The following CSMD1 variants were observed in gnomAD, a reference collection of about 807,000 sequenced individuals.
CSMD1 encodes CUB and Sushi multiple domains 1.
CSMD1 carries 213 observed loss-of-function variants against 417.5 expected under a neutral mutation model. The ratio of observed to expected loss-of-function variants is 0.51; its 90% CI spans 0.46 to 0.57. The LOEUF (loss-of-function observed/expected upper bound fraction) is 0.57. Among genes scored for constraint, CSMD1 ranks in the 20% least tolerant of loss-of-function variants. The pLI, the probability that CSMD1 is intolerant of heterozygous loss-of-function variation, is 0.00. For synonymous variants in CSMD1, 2,862 were observed against 1,736.8 expected (o/e 1.65, Z -16.11); for missense variants, 6,923 against 4,529.7 (o/e 1.53, Z -15.17).
intron 42 of CSMD1, 52 bp from the exon 43 acceptor site, chr8:3,110,387 T>G: frequency 1.4e-6 from 2 of 1,443,776 alleles, no homozygotes; most frequent in African/African-American, 1.4e-5. Flanking sequence ...TTTTAGAGAG[T>G]AGAAAGCTAA....
Position 2,951,212 on chromosome 8 carries a change from C to CT in CSMD1, c.10102dup (p.Arg3368LysfsTer9). 6.2e-7 allele frequency: 1 copy of CT among 1,610,096 alleles called. No individual in the cohort carries two copies. Among genetic ancestry groups the CT allele is most frequent in the Middle Eastern group, 1.7e-4 (1 of 5,718 alleles). ...GTCAACAGTTAGAGTGGCGGGTTGT[C>CT]TTTTCCCTAAATATTCATAATACCC... is the stretch of plus-strand genomic sequence containing the variant. On this transcript the variant is annotated frameshift_variant, in exon 66 of 70. Transcript: ENST00000635120. LOFTEE classifies it high-confidence loss of function.
intron 3 of CSMD1, among the ~76,000 whole-genome samples, chr8:4,154,278 T>C (rs542334040): frequency 6.6e-6 from 1 of 152,152 alleles, no homozygotes; most frequent in South Asian, 2.1e-4. Flanking sequence ...AAAAAATAAA[T>C]AAATAAATAA....
Position 3,340,752 on chromosome 8 carries a change from G to C in CSMD1, c.3631+2542C>G, listed in dbSNP as rs1307771381. On this transcript the variant is annotated intron_variant, in intron 23 of 69. Transcript: ENST00000635120. ...GAGGTTAATACTATTTTGATTATAT[G>C]GCCATCAGCACCACCAATTTTCTAT... 2.0e-5 allele frequency among the ~76,000 whole-genome samples: 3 copies of C among 152,146 alleles called. No homozygotes were observed. In the East Asian group the frequency reaches 5.8e-4, roughly 29 times the overall value.
chr8:4,393,945 T>A (rs1292051899), intron 3 of CSMD1, among the ~76,000 whole-genome samples: 3 of 152,196 alleles, frequency 2.0e-5, no homozygotes, highest in Non-Finnish European at 4.4e-5. Context: ...TTGCCTGTGT[T>A]TCAGGTATTA....
intron 3 of CSMD1, among the ~76,000 whole-genome samples, chr8:4,069,191 T>C (rs1799415687): frequency 6.6e-6 from 1 of 152,160 alleles, no homozygotes; most frequent in African/African-American, 2.4e-5. Flanking sequence ...TAAAACCACA[T>C]ACTCTGATTG....
At chr8:4,246,223 T>C (rs1345304327) in intron 3 of CSMD1, among the ~76,000 whole-genome samples, 2 of 152,204 alleles carry the variant, frequency 1.3e-5, no homozygotes, top group Admixed American at 6.5e-5. Flanking sequence ...CCCCAGTGTG[T>C]TCATGAGCTC....
intron 1 of CSMD1, among the ~76,000 whole-genome samples, chr8:4,727,626 C>G (rs985875815): frequency 6.6e-6 from 1 of 152,036 alleles, no homozygotes; most frequent in East Asian, 1.9e-4. Context: ...TTTATATTTC[C>G]GTGATCTGGT....
chr8:4,882,585 C>G (rs867967071), intron 1 of CSMD1, among the ~76,000 whole-genome samples: 1 of 151,792 alleles, frequency 6.6e-6, no homozygotes. Flanking sequence ...AACATTCAAC[C>G]CCAAGCATAG....
In CSMD1 at chr8:3,211,283, G is replaced by A. The variant is rs925679103; in HGVS notation, c.4867+3214C>T. ...TAGTCTTGAATTCTGGTCCTCAAGC[G>A]ATCCTCCTGCCTTAGTCTCTCAAAG... On this transcript the variant is annotated intron_variant, in intron 30 of 69. Coordinates refer to ENST00000635120, the MANE Select transcript of CSMD1 (RefSeq NM_033225.6). Among the ~76,000 whole-genome samples the A allele has an allele frequency of 3.9e-5, 6 of 152,218 alleles. No individual in the cohort carries two copies. The East Asian group carries it at 1.2e-3, about 29-fold the overall frequency.
intron 1 of CSMD1, among the ~76,000 whole-genome samples, chr8:4,920,978 GAAAC>G (rs746127208): frequency 0.57 from 13,329 of 23,362 alleles, 2,606 homozygotes; most frequent in Admixed American, 0.59. Context: ...AAGAAAGAAA[GAAAC>G]AAAGAAAGAA....
chr8:4,532,855 A>T (rs1585213364), intron 2 of CSMD1, among the ~76,000 whole-genome samples: 1 of 140,948 alleles, frequency 7.1e-6, no homozygotes, highest in Non-Finnish European at 1.5e-5. Flanking sequence ...GAAATGTTGC[A>T]CCCCCATTCA....
intron 1 of CSMD1, among the ~76,000 whole-genome samples, chr8:4,841,899 A>C (rs1377078957): frequency 7.4e-6 from 1 of 135,272 alleles, no homozygotes; most frequent in Non-Finnish European, 1.6e-5. Context: ...CAACAAGAGC[A>C]AAACTCCGTC....
chr8:4,036,402 T>C (rs1428892036), intron 3 of CSMD1, among the ~76,000 whole-genome samples: 1 of 152,206 alleles, frequency 6.6e-6, no homozygotes, highest in African/African-American at 2.4e-5. Context: ...TGTAGAAATG[T>C]ATTGACTTAC....
intron 23 of CSMD1, among the ~76,000 whole-genome samples, chr8:3,309,673 T>G (rs1168628109): frequency 1.3e-5 from 2 of 152,206 alleles, no homozygotes; most frequent in Non-Finnish European, 2.9e-5. Context: ...TTCCTTCTAT[T>G]TCCACCAAAC....
chr8:3,695,391 G>A (rs1800494924), intron 7 of CSMD1, among the ~76,000 whole-genome samples: 1 of 149,138 alleles, frequency 6.7e-6, no homozygotes, highest in South Asian at 2.1e-4. Context: ...TGTCCTGTAT[G>A]CTAAAACTCA....
chr8:3,533,361 G>C (rs1006543532), intron 10 of CSMD1, among the ~76,000 whole-genome samples: 1 of 152,056 alleles, frequency 6.6e-6, no homozygotes, highest in Non-Finnish European at 1.5e-5. Context: ...TTACATAAGA[G>C]AACTTTATAC....
intron 3 of CSMD1, among the ~76,000 whole-genome samples, chr8:4,081,036 G>A (rs1046807246): frequency 1.3e-5 from 2 of 152,114 alleles, no homozygotes; most frequent in Admixed American, 6.5e-5. Flanking sequence ...GTGCCATGGA[G>A]GGACACAAAG....
intron 5 of CSMD1, among the ~76,000 whole-genome samples, chr8:3,891,119 G>A (rs1427507172): frequency 6.6e-6 from 1 of 151,878 alleles, no homozygotes; most frequent in Non-Finnish European, 1.5e-5. Flanking sequence ...TGTGATCTTG[G>A]CTCATTACAA....
chr8:3,198,227 TA>T (rs1370761848), intron 33 of CSMD1, among the ~76,000 whole-genome samples: 1 of 152,196 alleles, frequency 6.6e-6, no homozygotes, highest in Admixed American at 6.5e-5. Context: ...ATAGATTTTA[TA>T]ATCTTTATCA....
Sources: gnomAD v4.1 joint callset for allele counts (sites outside exome capture counted in the v4.1 genomes callset) on GRCh38, gnomAD v4.1.1 for gene constraint, MANE v1.5 for transcripts, NCBI Gene and HGNC (gene_info 2026-07-23, HGNC 2026-07-21) for gene names.